SIPA1L2: variants seen among roughly 807,000 people sequenced by gnomAD.
The protein encoded by SIPA1L2 is signal-induced proliferation-associated 1-like protein 2.
In SIPA1L2, 56 loss-of-function variants were observed where a neutral mutation model predicts 163.9. The ratio of observed to expected loss-of-function variants is 0.34; its 90% CI spans 0.28 to 0.43. SIPA1L2 has a LOEUF of 0.43. SIPA1L2 is among the 20% of genes least tolerant of loss of function. SIPA1L2 has a pLI of 1.00. For synonymous variants in SIPA1L2, 877 were observed against 865.7 expected, an observed-to-expected ratio of 1.01 and a Z score of -0.23; for missense variants, 1,974 against 2,193.5, an observed-to-expected ratio of 0.90 and a Z score of 2.00.
chr1:232,606,379 G>A (rs1339808360), intron 1 of SIPA1L2, among the ~76,000 whole-genome samples: 2 of 152,026 alleles, frequency 1.3e-5, no homozygotes, highest in Non-Finnish European at 2.9e-5. Flanking sequence ...CCAAAGGGCC[G>A]GCAATTATAC....
chr1:232,493,680 GT>G lies in SIPA1L2; in HGVS notation c.1484-21del. ...GGTGCTCTATAATGGAAGAGAGAGG[GT>G]GGCATCAAAAGAATGAAAAAGGAAC... On this transcript the variant is annotated intron_variant, in intron 3 of 22. Coordinates refer to ENST00000674635, the MANE Select transcript of SIPA1L2 (RefSeq NM_020808.5). The G allele has an allele frequency of 6.2e-7, 1 of 1,612,864 alleles. No homozygotes were observed. Among genetic ancestry groups the G allele is most frequent in the Non-Finnish European group, 8.5e-7 (1 of 1,179,578 alleles).
chr1:232,626,865 T>C (rs941443618), intron 1 of SIPA1L2, among the ~76,000 whole-genome samples: 2 of 152,214 alleles, frequency 1.3e-5, no homozygotes, highest in African/African-American at 4.8e-5. Context: ...TGAAAATAGT[T>C]TCATCCAAAT....
intron 1 of SIPA1L2, among the ~76,000 whole-genome samples, chr1:232,620,442 G>A (rs1312501764): frequency 1.3e-5 from 2 of 152,200 alleles, no homozygotes; most frequent in East Asian, 1.9e-4. Flanking sequence ...AGCGTAGTAA[G>A]ATGAAAGCAG....
chr1:232,450,334 G>A (rs1355843720), intron 10 of SIPA1L2, among the ~76,000 whole-genome samples: 1 of 152,118 alleles, frequency 6.6e-6, no homozygotes, highest in East Asian at 1.9e-4. Context: ...TTGCTTCCAA[G>A]TGTTTTCTGT....
At chr1:232,404,678 T>C (rs1660540093) in intron 19 of SIPA1L2, among the ~76,000 whole-genome samples, 1 of 152,178 alleles carries the variant, frequency 6.6e-6, no homozygotes, top group Non-Finnish European at 1.5e-5. Flanking sequence ...GGAAAGGGAA[T>C]AGAATAGTCT....
At position 232,575,097 on chromosome 1, in the gene SIPA1L2, C is replaced by T. The variant is rs1484872484; in HGVS notation, c.-318-875G>A. On this transcript the variant is annotated intron_variant, in intron 1 of 22. Transcript: ENST00000674635. ...AGAATTTCTGCAAACTCAACTACAG[C>T]CAAGCGCCCTAGGGCTCACACTCAG... 3.9e-5 allele frequency among the ~76,000 whole-genome samples: 6 copies of T among 152,302 alleles called. No individual in the cohort carries two copies. The East Asian group carries it at 7.7e-4, about 20-fold the overall frequency.
Position 232,399,038 on chromosome 1 carries a change from G to T in SIPA1L2, c.*89C>A, listed in dbSNP as rs1660175399. ...TGGAACAGCAAAAACATCTACGATT[G>T]GTTGAAAGCACACAGAAAAACCACA... On this transcript the variant is annotated 3_prime_UTR_variant, in exon 23 of 23. Transcript: ENST00000674635. 1 of 1,558,170 alleles carries T rather than the reference G, an allele frequency of 6.4e-7. No individual in the cohort carries two copies. The highest frequency in any genetic ancestry group is 8.8e-7 in the Non-Finnish European group (1 of 1,141,498).
chr1:232,422,722 G>A (rs1661643084), intron 18 of SIPA1L2, among the ~76,000 whole-genome samples: 1 of 152,200 alleles, frequency 6.6e-6, no homozygotes, highest in Non-Finnish European at 1.5e-5. Context: ...GTTTTGAAGT[G>A]AAGCTATATC....
chr1:232,500,678 G>C (rs1344898863), intron 3 of SIPA1L2, among the ~76,000 whole-genome samples: 1 of 152,184 alleles, frequency 6.6e-6, no homozygotes, highest in Admixed American at 6.5e-5. Flanking sequence ...AAAGAAAGTG[G>C]TTTCTTTTGA....
chr1:232,447,411 C>G (rs1663283000), intron 10 of SIPA1L2, among the ~76,000 whole-genome samples: 1 of 152,250 alleles, frequency 6.6e-6, no homozygotes, highest in African/African-American at 2.4e-5. Flanking sequence ...GTCTGACCCA[C>G]ATCTCAACTT....
intron 2 of SIPA1L2, among the ~76,000 whole-genome samples, chr1:232,539,721 T>G (rs925146679): frequency 6.6e-6 from 1 of 152,074 alleles, no homozygotes; most frequent in Non-Finnish European, 1.5e-5. Flanking sequence ...CCAGCTAGAG[T>G]TGGGATCCCA....
At chr1:232,473,917 T>C (rs1487687752) in intron 7 of SIPA1L2, among the ~76,000 whole-genome samples, 1 of 152,226 alleles carries the variant, frequency 6.6e-6, no homozygotes, top group Admixed American at 6.5e-5. Flanking sequence ...AGAAAATATC[T>C]GGAAAATTAA....
rs761501553 is a variant in SIPA1L2, at chr1:232,500,447, T to C, written c.1484-6787A>G. Among the ~76,000 whole-genome samples, 6 of 152,194 alleles carry C rather than the reference T, an allele frequency of 3.9e-5. No individual in the cohort carries two copies. The East Asian group carries it at 1.2e-3, about 29-fold the overall frequency. ...TGCCATTAAGAACGTTTATGATTCA[T>C]GAGAGGATGTTAAAATATAAACTTA... On this transcript the variant is annotated intron_variant, in intron 3 of 22. Coordinates refer to ENST00000674635, the MANE Select transcript of SIPA1L2 (RefSeq NM_020808.5).
At chr1:232,491,147 G>A in intron 4 of SIPA1L2, 85 bp from the exon 5 acceptor site, 1 of 1,246,690 alleles carries the variant, frequency 8.0e-7, no homozygotes, top group South Asian at 1.5e-5. Context: ...CCTTAAGACA[G>A]GAAAAAGAGA....
Position 232,465,892 on chromosome 1 carries a change from TG to T in SIPA1L2, c.2244-477del, listed in dbSNP as rs1664486968. ...ATGTATGCACACAGAAAGAAGACCA[TG>T]TGAAGACACAAGGAGAAGACGGCCA... On this transcript the variant is annotated intron_variant, in intron 8 of 22. Coordinates refer to ENST00000674635, the MANE Select transcript of SIPA1L2 (RefSeq NM_020808.5). The surrounding 1 kb of genome is among the most constrained non-coding windows in gnomAD (Gnocchi z 4.1). Among the ~76,000 whole-genome samples, 1 of 151,480 alleles carries T rather than the reference TG, an allele frequency of 6.6e-6. No individual in the cohort carries two copies. The highest frequency in any genetic ancestry group is 1.5e-5 in the Non-Finnish European group (1 of 67,914).
intron 18 of SIPA1L2, among the ~76,000 whole-genome samples, chr1:232,418,441 C>T (rs565220203): frequency 7.0e-4 from 107 of 152,338 alleles, no homozygotes; most frequent in African/African-American, 2.5e-3. Context: ...TCTAAAGTTC[C>T]TGATACGTGG....
chr1:232,447,043 C>T (rs971832272), intron 10 of SIPA1L2, among the ~76,000 whole-genome samples: 1 of 152,152 alleles, frequency 6.6e-6, no homozygotes, highest in African/African-American at 2.4e-5. Context: ...ACAGCAAGTA[C>T]TCAGGATAAA....
At chr1:232,403,308 C>A in intron 21 of SIPA1L2, 140 bp downstream of exon 21, 1 of 1,125,252 alleles carries the variant, frequency 8.9e-7, no homozygotes, top group African/African-American at 1.6e-5. Flanking sequence ...CCACTCAGTC[C>A]CTTCTCTGGA....
intron 1 of SIPA1L2, among the ~76,000 whole-genome samples, chr1:232,606,269 C>T (rs1038028504): frequency 1.2e-4 from 18 of 152,120 alleles, no homozygotes; most frequent in African/African-American, 2.4e-4. Context: ...TTAATAGAAG[C>T]ATTAACAGGC....
Sources: gnomAD v4.1 joint callset for allele counts (sites outside exome capture counted in the v4.1 genomes callset) on GRCh38, gnomAD v4.1.1 for gene constraint, Gnocchi (gnomAD v3.1) non-coding constraint, MANE v1.5 for transcripts, NCBI Gene and HGNC (gene_info 2026-07-23, HGNC 2026-07-21) for gene names.